Variants in ZNF749 observed in about 807,000 individuals in gnomAD.
ZNF749 encodes zinc finger protein 749.
In ZNF749, 8 loss-of-function variants were observed where a neutral mutation model predicts 7.3. The ratio of observed to expected loss-of-function variants is 1.10; its 90% CI spans 0.64 to 1.98. The LOEUF is 1.98. Ranked by LOEUF, ZNF749 falls within the 30% of genes most tolerant of loss-of-function variation. The pLI is 0.00. For synonymous variants in ZNF749, 310 were observed against 322.4 expected, an observed-to-expected ratio of 0.96 and a Z score of 0.41; for missense variants, 898 against 932.4, an observed-to-expected ratio of 0.96 and a Z score of 0.48.
Position 57,443,546 on chromosome 19 carries a change from G to T in ZNF749, c.398G>T (p.Ser133Ile), listed in dbSNP as rs1323143128. 1.9e-6 allele frequency: 3 copies of T among 1,614,144 alleles called. No individual in the cohort carries two copies. The African/African-American group carries it at 4.0e-5, about 22-fold the overall frequency. The change falls in exon 3 of 3, where the codon AGT becomes ATT. Residue 133 changes from serine to isoleucine, a missense_variant. Physicochemically the swap from Ser to Ile is moderately radical, Grantham distance 142 (BLOSUM62 -2). Coordinates refer to ENST00000334181, the MANE Select transcript of ZNF749 (RefSeq NM_001023561.4). ...CAGATTAGAGAGAAGCTCACCAGAAGTGATGAGTGGAGGCCTTCATTTGTG... is the reference window on the plus strand; with the variant it reads ...CAGATTAGAGAGAAGCTCACCAGAATTGATGAGTGGAGGCCTTCATTTGTG... ...KEQIREKLTR[S>I]DEWRPSFVNH...
At position 57,446,602 on chromosome 19, in the gene ZNF749, C is replaced by G. The variant is rs2089068219; in HGVS notation, c.*1117C>G. On this transcript the variant is annotated 3_prime_UTR_variant, in exon 3 of 3. Coordinates refer to ENST00000334181, the MANE Select transcript of ZNF749 (RefSeq NM_001023561.4). ...TTGTAGCATAGCTTATGATTTTCATCTTTTTTAAAGGCCGAATAAAATCCC... is the reference window on the plus strand; with the variant it reads ...TTGTAGCATAGCTTATGATTTTCATGTTTTTTAAAGGCCGAATAAAATCCC... Among the ~76,000 whole-genome samples the G allele has an allele frequency of 6.6e-6, 1 of 152,144 alleles. No individual in the cohort carries two copies. Among genetic ancestry groups the G allele is most frequent in the African/African-American group, 2.4e-5 (1 of 41,444 alleles).
In ZNF749 at chr19:57,444,372, G is replaced by C; in HGVS notation, c.1224G>C (p.Arg408Ser). The change falls in exon 3 of 3, where the codon AGG (arginine) becomes AGC (serine). Residue 408 changes from arginine (R) to serine (S), a missense_variant. Coordinates refer to ENST00000334181, the MANE Select transcript of ZNF749 (RefSeq NM_001023561.4). ...NMHQRVHAGK[R>S]LYKCSECGKA... is the part of the protein sequence containing the mutation. ...ACCAGAGAGTTCATGCTGGCAAAAG[G>C]CTTTATAAGTGTAGCGAATGTGGGA... 1 of 1,614,098 alleles carries C rather than the reference G, an allele frequency of 6.2e-7. No homozygotes were observed. The highest frequency in any genetic ancestry group is 1.3e-5 in the African/African-American group (1 of 75,022).
At position 57,445,382 on chromosome 19, in the gene ZNF749, A is replaced by G. The variant is rs761163662; in HGVS notation, c.2234A>G (p.His745Arg). Reference protein sequence around the residue: ...KCNTGQRQKTHTGERSYECGE... With the variant: ...KCNTGQRQKTRTGERSYECGE... ...AATACTGGTCAGCGCCAAAAAACTCACACTGGAGAAAGGTCTTATGAGTGT... is the reference window on the plus strand; with the variant it reads ...AATACTGGTCAGCGCCAAAAAACTCGCACTGGAGAAAGGTCTTATGAGTGT... The change falls in exon 3 of 3, where the codon CAC becomes CGC. Residue 745 changes from histidine to arginine, a missense_variant. Physicochemically the swap from His to Arg is conservative, Grantham distance 29 (BLOSUM62 0). Coordinates refer to ENST00000334181, the MANE Select transcript of ZNF749 (RefSeq NM_001023561.4). 9.3e-5 allele frequency: 150 copies of G among 1,613,870 alleles called. 1 individual carries two copies. Among genetic ancestry groups the G allele is most frequent in the Non-Finnish European group, 1.2e-4 (136 of 1,179,908 alleles).
intron 1 of ZNF749, among the ~76,000 whole-genome samples, chr19:57,441,389 A>G (rs919614741): frequency 1.3e-5 from 2 of 152,100 alleles, no homozygotes; most frequent in African/African-American, 4.8e-5. Context: ...CTGGATTTTC[A>G]TTTTTGGAAA....
upstream of ZNF749, among the ~76,000 whole-genome samples, chr19:57,431,357 A>T (rs2088898188): frequency 6.6e-6 from 1 of 152,232 alleles, no homozygotes; most frequent in Non-Finnish European, 1.5e-5. Flanking sequence ...CCTAGTAGCC[A>T]CTGAAGGCAA....
rs1467244395 is a variant in ZNF749, at chr19:57,442,348, T to TC, written c.142+341dup. 3.9e-5 allele frequency among the ~76,000 whole-genome samples: 6 copies of TC among 152,194 alleles called. No homozygotes were observed. Among genetic ancestry groups the TC allele is most frequent in the Non-Finnish European group, 7.4e-5 (5 of 68,024 alleles). Reference sequence around the variant, plus strand: ...AACCTCTGTCCAAGGGTTTCCCTGTTCCCCTTGCTGACATACTTGGAGACA... The same window carrying TC: ...AACCTCTGTCCAAGGGTTTCCCTGTTCCCCCTTGCTGACATACTTGGAGACA... On this transcript the variant is annotated intron_variant, in intron 2 of 2. Transcript: ENST00000334181. This position sits in a 1 kb window ranked among gnomAD's most constrained non-coding sequence, Gnocchi z 6.6.
At position 57,446,854 on chromosome 19, in the gene ZNF749, G is replaced by GTT. The variant is rs2089071483; in HGVS notation, c.*1370_*1371insTT. On this transcript the variant is annotated 3_prime_UTR_variant, in exon 3 of 3. Coordinates refer to ENST00000334181, the MANE Select transcript of ZNF749 (RefSeq NM_001023561.4). ...TTGAAACACAATGATAAGTAAATGT[G>GTT]TATCTAAACATATCTAAGTTTCCAA... Among the ~76,000 whole-genome samples, 1 of 152,156 alleles carries GTT rather than the reference G, an allele frequency of 6.6e-6. No homozygotes were observed. Among genetic ancestry groups the GTT allele is most frequent in the Admixed American group, 6.5e-5 (1 of 15,280 alleles).
At chr19:57,434,602 C>A (rs2088916600), upstream of ZNF749, among the ~76,000 whole-genome samples, 2 of 152,084 alleles carry the variant, frequency 1.3e-5, no homozygotes, top group South Asian at 4.1e-4. Context: ...ATTGTTAAAA[C>A]CAAGCTGTAG....
chr19:57,446,334 C>T lies in ZNF749; in HGVS notation c.*849C>T, dbSNP rs1227349318. ...GACAGTTTTATTCTGAAACTGTCTG[C>T]CCCCTCCTCTGTCCCTGATGCGTGG... On this transcript the variant is annotated 3_prime_UTR_variant, in exon 3 of 3. Transcript: ENST00000334181. Among the ~76,000 whole-genome samples the T allele has an allele frequency of 1.3e-5, 2 of 152,116 alleles. No homozygotes were observed. Among genetic ancestry groups the T allele is most frequent in the Non-Finnish European group, 2.9e-5 (2 of 68,024 alleles).
intron 1 of ZNF749, among the ~76,000 whole-genome samples, chr19:57,437,706 A>G (rs2088948739): frequency 1.3e-5 from 2 of 149,830 alleles, no homozygotes; most frequent in Non-Finnish European, 3.0e-5. Context: ...CCTGGGCAAC[A>G]GGGCGAGACA....
At chr19:57,435,298 TAATGAGGTCTC>T, upstream of ZNF749, 1 of 589,804 alleles carries the variant, frequency 1.7e-6, no homozygotes, top group East Asian at 2.8e-5. Context: ...GAGAGACGAC[TAATGAGGTCTC>T]AATTGTGTGG....
In ZNF749 at chr19:57,444,674, G is replaced by C; in HGVS notation, c.1526G>C (p.Arg509Pro). Reference protein sequence around the residue: ...VGHQKIHTGERPYECTQCAKA... With the variant: ...VGHQKIHTGEPPYECTQCAKA... ...CACCAGAAAATCCATACTGGAGAAC[G>C]GCCTTATGAATGCACTCAATGTGCG... is the stretch of plus-strand genomic sequence containing the variant. The change falls in exon 3 of 3, where the codon CGG becomes CCG. Residue 509 changes from arginine (R) to proline (P), a missense_variant. Arg to Pro is a moderately radical substitution (Grantham distance 103). Coordinates refer to ENST00000334181, the MANE Select transcript of ZNF749 (RefSeq NM_001023561.4). The C allele has an allele frequency of 6.2e-7, 1 of 1,613,194 alleles. No homozygotes were observed.
chr19:57,444,607 G>A lies in ZNF749; in HGVS notation c.1459G>A (p.Glu487Lys). 3 of 1,613,274 alleles carry A rather than the reference G, an allele frequency of 1.9e-6. No individual in the cohort carries two copies. Among genetic ancestry groups the A allele is most frequent in the Non-Finnish European group, 2.5e-6 (3 of 1,179,776 alleles). ...DIRPRPYTCS[E>K]CGKAFLTQAH... is the part of the protein sequence containing the mutation. The stretch of plus-strand genomic sequence containing the variant: ...TAGGCCAAGGCCTTATACATGCAGT[G>A]AATGTGGGAAGGCCTTCCTTACACA... Residue 487 changes from glutamate (E) to lysine (K), a missense_variant, in exon 3 of 3, where the codon GAA (glutamate) becomes AAA (lysine). Transcript: ENST00000334181.
the ZNF749 span, among the ~76,000 whole-genome samples, chr19:57,428,941 G>A: frequency 6.6e-6 from 1 of 152,148 alleles, no homozygotes; most frequent in African/African-American, 2.4e-5. Context: ...GTTGCTGTGT[G>A]TGTCAAAATT....
At chr19:57,438,300 A>C in intron 1 of ZNF749, 1 of 369,250 alleles carries the variant, frequency 2.7e-6, no homozygotes, top group Non-Finnish European at 4.8e-6. Flanking sequence ...GTTAACAATA[A>C]TGTGAACTTG....
rs2089062494 is a variant in ZNF749 at position 57,446,077 on chromosome 19, A to G, written c.*592A>G. ...GAAGTTTTTTCAACTTAATGAAACT[A>G]AAACATTATACCCTTTAAACCAGGG... On this transcript the variant is annotated 3_prime_UTR_variant, in exon 3 of 3. Coordinates refer to ENST00000334181, the MANE Select transcript of ZNF749 (RefSeq NM_001023561.4). Among the ~76,000 whole-genome samples, 1 of 152,176 alleles carries G rather than the reference A, an allele frequency of 6.6e-6. No homozygotes were observed. Among genetic ancestry groups the G allele is most frequent in the Non-Finnish European group, 1.5e-5 (1 of 68,032 alleles).
rs2088967698 is a variant in ZNF749, at chr19:57,439,559, G to C, written c.16-2326G>C. 6.6e-6 allele frequency among the ~76,000 whole-genome samples: 1 copy of C among 151,966 alleles called. No individual in the cohort carries two copies. The highest frequency in any genetic ancestry group is 2.4e-5 in the African/African-American group (1 of 41,356). ...AGGCAGAGGTGGGAAGATTGCTTGA[G>C]GCCAGCCTGGGCAACATAGGGAGAC... is the stretch of plus-strand genomic sequence containing the variant. On this transcript the variant is annotated intron_variant, in intron 1 of 2. Coordinates refer to ENST00000334181, the MANE Select transcript of ZNF749 (RefSeq NM_001023561.4). This position sits in a 1 kb window ranked among gnomAD's most constrained non-coding sequence, Gnocchi z 4.3.
At position 57,443,405 on chromosome 19, in the gene ZNF749, G is replaced by C. The variant is rs371519478; in HGVS notation, c.257G>C (p.Cys86Ser). 6.2e-7 allele frequency: 1 copy of C among 1,614,142 alleles called. No individual in the cohort carries two copies. The highest frequency in any genetic ancestry group is 1.7e-5 in the Admixed American group (1 of 60,010). Reference protein sequence around the residue: ...PALSTLKAQPCKMCSSILKDI... With the variant: ...PALSTLKAQPSKMCSSILKDI... ...TTGTCCACCCTGAAGGCCCAGCCCT[G>C]CAAGATGTGTAGCTCAATTCTGAAG... The change falls in exon 3 of 3, where the codon TGC becomes TCC. Residue 86 changes from cysteine to serine, a missense_variant. Cys to Ser is a moderately radical substitution (Grantham distance 112, BLOSUM62 -1). Coordinates refer to ENST00000334181, the MANE Select transcript of ZNF749 (RefSeq NM_001023561.4).
At chr19:57,435,890 G>A (rs1053196215) in intron 1 of ZNF749, among the ~76,000 whole-genome samples, 8 of 152,246 alleles carry the variant, frequency 5.3e-5, no homozygotes, top group African/African-American at 1.9e-4. Flanking sequence ...GCCGCAGAGA[G>A]CCATAGAGGG....
Sources: gnomAD v4.1 joint callset for allele counts (sites outside exome capture counted in the v4.1 genomes callset) on GRCh38, gnomAD v4.1.1 for gene constraint, Gnocchi (gnomAD v3.1) non-coding constraint, MANE v1.5 for transcripts, NCBI Gene and HGNC (gene_info 2026-07-23, HGNC 2026-07-21) for gene names.